PIGW: variants seen among roughly 807,000 people sequenced by gnomAD.
PIGW encodes glucosaminyl-phosphatidylinositol-acyltransferase PIGW.
Under a neutral mutation model 34.0 loss-of-function variants are expected in PIGW, and 23 were observed. The observed-to-expected ratio is 0.68, with a 90% confidence interval of 0.49 to 0.96. The LOEUF (loss-of-function observed/expected upper bound fraction) is 0.96. Ranked by LOEUF, PIGW falls within the 40% of genes least tolerant of loss-of-function variation. The pLI is 0.00. For missense variants in PIGW, 574 were observed against 586.3 expected (o/e 0.98, Z 0.22); for synonymous variants, 225 against 225.2 (o/e 1.00, Z 0.01).
chr17:36,537,341 C>T lies in PIGW; in HGVS notation c.240C>T (p.Leu80=). 1 of 1,613,902 alleles carries T rather than the reference C, an allele frequency of 6.2e-7. No homozygotes were observed. The highest frequency in any genetic ancestry group is 1.1e-5 in the South Asian group (1 of 91,064). Residue 80 remains leucine, a synonymous_variant, in exon 2 of 2, where the codon CTC becomes CTT. Coordinates refer to ENST00000614443, the MANE Select transcript of PIGW (RefSeq NM_001346754.2). ...ATLTIWASFI[L]LELLGVIIFG... is the part of the protein sequence containing the mutation. The stretch of plus-strand genomic sequence containing the variant: ...TGACCATTTGGGCTTCATTTATCCT[C>T]CTTGAGCTTCTCGGTGTAATTATCT...
chr17:36,537,043 C>T (rs2074149219), intron 1 of PIGW, 51 bp from the exon 2 acceptor site: 1 of 1,466,886 alleles, frequency 6.8e-7, no homozygotes, highest in Admixed American at 2.2e-5. Context: ...ATGCTAATTA[C>T]ACAAGAATGC....
At position 36,538,627 on chromosome 17, in the gene PIGW, TA is replaced by T. The variant is rs1249705379; in HGVS notation, c.*12del. 3.5e-5 allele frequency: 54 copies of T among 1,546,144 alleles called. No homozygotes were observed. The highest frequency in any genetic ancestry group is 4.3e-5 in the Non-Finnish European group (49 of 1,135,908). On this transcript the variant is annotated 3_prime_UTR_variant, in exon 2 of 2. Transcript: ENST00000614443. ...GTACAATTTTGGTGATCAGCAGGAG[TA>T]GGATATATAAGTATTTGGGCAATAT...
chr17:36,535,232 G>T lies in PIGW; in HGVS notation c.-369G>T, dbSNP rs58812000. On this transcript the variant is annotated 5_prime_UTR_variant, in exon 1 of 2. Transcript: ENST00000614443. ...CGAGTGCGGCGGAGTGTTGTGCGAG[G>T]CCGGCGGACACCATTACCCTGATAG... 0.92 allele frequency: 139,880 copies of T among 152,094 alleles called. 64,524 individuals carry two copies. The highest frequency in any genetic ancestry group is 0.99 in the East Asian group (5,111 of 5,152). 9.4% of individuals were successfully genotyped at this position (152,094 alleles called of 1,614,324 possible). A position where few individuals can be genotyped will look rare whatever the true frequency, so the allele number is the denominator to read the frequency against.
chr17:36,538,628 A>G lies in PIGW; in HGVS notation c.*12A>G, dbSNP rs1292440182. The G allele has an allele frequency of 9.1e-6, 14 of 1,532,374 alleles. No homozygotes were observed. The highest frequency in any genetic ancestry group is 1.2e-5 in the Non-Finnish European group (14 of 1,127,550). 94.9% of individuals were successfully genotyped at this position (1,532,374 alleles called of 1,614,324 possible). A position where few individuals can be genotyped will look rare whatever the true frequency, so the allele number is the denominator to read the frequency against. ...TACAATTTTGGTGATCAGCAGGAGT[A>G]GGATATATAAGTATTTGGGCAATAT... On this transcript the variant is annotated 3_prime_UTR_variant, in exon 2 of 2. Transcript: ENST00000614443.
chr17:36,534,994 G>C lies in PIGW; in HGVS notation c.-607G>C, dbSNP rs920514425. ...CCTAGGGGCGGGGCGAGCACTCGCG[G>C]CGCGGGGCGCGCACGTGGCTTGGCC... is the stretch of plus-strand genomic sequence containing the variant. On this transcript the variant is annotated 5_prime_UTR_variant, in exon 1 of 2. Transcript: ENST00000614443. The C allele has an allele frequency of 2.0e-5, 3 of 152,372 alleles. No individual in the cohort carries two copies. The highest frequency in any genetic ancestry group is 2.9e-5 in the Non-Finnish European group (2 of 68,158). 9.4% of individuals were successfully genotyped at this position (152,372 alleles called of 1,614,324 possible).
rs1186406268 is a variant in PIGW at position 36,535,028 on chromosome 17, T to TGG, written c.-572_-571dup. ...GCGCACGTGGCTTGGCCGGGACGCC[T>TGG]GGTCCGGCTTGCTGGCTTCAACTAC... On this transcript the variant is annotated 5_prime_UTR_variant, in exon 1 of 2. Transcript: ENST00000614443. 7 of 152,460 alleles carry TGG rather than the reference T, an allele frequency of 4.6e-5. No homozygotes were observed. The East Asian group carries it at 1.4e-3, about 29-fold the overall frequency. The allele number at this position is 152,460 out of a possible 1,614,324, so 9.4% of individuals were successfully genotyped here. A position where few individuals can be genotyped will look rare whatever the true frequency, so the allele number is the denominator to read the frequency against.
rs750044094 is a variant in PIGW, at chr17:36,537,811, ACTTTTT to A, written c.715_720del (p.Phe239_Phe240del). ...TTAACAGAGTATGGAGTTCACTGGAACTTTTTCTTTACCATAATAGTTGTGAAATTG... is the reference window on the plus strand; with the variant it reads ...TTAACAGAGTATGGAGTTCACTGGAACTTTACCATAATAGTTGTGAAATTG... On this transcript the variant is annotated inframe_deletion, in exon 2 of 2. Coordinates refer to ENST00000614443, the MANE Select transcript of PIGW (RefSeq NM_001346754.2). 3 of 1,614,120 alleles carry A rather than the reference ACTTTTT, an allele frequency of 1.9e-6. No homozygotes were observed. Among genetic ancestry groups the A allele is most frequent in the East Asian group, 2.2e-5 (1 of 44,882 alleles).
At position 36,539,084 on chromosome 17, in the gene PIGW, A is replaced by G. The variant is rs1208601758; in HGVS notation, c.*468A>G. 1 of 167,536 alleles carries G rather than the reference A, an allele frequency of 6.0e-6. No homozygotes were observed. Among genetic ancestry groups the G allele is most frequent in the African/African-American group, 2.4e-5 (1 of 41,462 alleles). 10.4% of individuals were successfully genotyped at this position (167,536 alleles called of 1,614,324 possible). On this transcript the variant is annotated 3_prime_UTR_variant, in exon 2 of 2. Transcript: ENST00000614443. ...CTTAATATTTTAATGTATCTCAACA[A>G]TAAAACCAAGAAGAAACAAAGCCTT...
At chr17:36,536,779 T>A (rs915884721) in intron 1 of PIGW, among the ~76,000 whole-genome samples, 1 of 152,212 alleles carries the variant, frequency 6.6e-6, no homozygotes, top group African/African-American at 2.4e-5. Flanking sequence ...CCTCCCGAAG[T>A]GCTAGGATTA....
Position 36,538,398 on chromosome 17 carries a change from A to C in PIGW, c.1297A>C (p.Arg433=), listed in dbSNP as rs1240970102. The C allele has an allele frequency of 2.5e-6, 4 of 1,614,176 alleles. No homozygotes were observed. The highest frequency in any genetic ancestry group is 2.5e-6 in the Non-Finnish European group (3 of 1,180,022). The change falls in exon 2 of 2, where the codon AGA becomes CGA. Residue 433 remains arginine (R), a synonymous_variant. Transcript: ENST00000614443. Reference sequence around the variant, plus strand: ...AGAATCTCTAGTCCCTGAAGCCGAAAGAATGGAACCCAGTCTTTGTTTAAT... The same window carrying C: ...AGAATCTCTAGTCCCTGAAGCCGAACGAATGGAACCCAGTCTTTGTTTAAT... ...HSESLVPEAE[R]MEPSLCLITA...
chr17:36,536,462 A>C (rs78954551), intron 1 of PIGW, among the ~76,000 whole-genome samples: 2 of 151,464 alleles, frequency 1.3e-5, no homozygotes, highest in East Asian at 3.9e-4. Flanking sequence ...CCATCTGCCT[A>C]TGATGCCATT....
At chr17:36,537,070 A>G (rs560726310) in intron 1 of PIGW, 24 bp from the exon 2 acceptor site, 2 of 1,536,316 alleles carry the variant, frequency 1.3e-6, no homozygotes, top group African/African-American at 1.4e-5. Context: ...TCACAAATCC[A>G]TTCCTTTGCT....
In PIGW at chr17:36,535,533, C is replaced by G. The variant is rs919527142; in HGVS notation, c.-68C>G. 1 of 152,230 alleles carries G rather than the reference C, an allele frequency of 6.6e-6. No individual in the cohort carries two copies. The highest frequency in any genetic ancestry group is 2.4e-5 in the African/African-American group (1 of 41,458). The allele number at this position is 152,230 out of a possible 1,614,324, so 9.4% of individuals were successfully genotyped here. On this transcript the variant is annotated 5_prime_UTR_variant, in exon 1 of 2. Transcript: ENST00000614443. ...TTCCCGCGTGGTTTGGCGGGTGCAG[C>G]GGCAGTCCGGCTGCCCTTCCCACGT...
Position 36,537,887 on chromosome 17 carries a change from G to A in PIGW, c.786G>A (p.Trp262Ter). The A allele has an allele frequency of 1.2e-6, 2 of 1,613,962 alleles. No individual in the cohort carries two copies. The highest frequency in any genetic ancestry group is 1.7e-5 in the Admixed American group (1 of 60,002). ...TTATTTTTCCCCTAAATAAGTCCTG[G>A]ATTATTGCCCTCGGCATTACTGTAT... ...LLIIFPLNKS[W>*]IIALGITVLY... The change falls in exon 2 of 2, where the codon TGG becomes TGA. Residue 262 changes from tryptophan to a stop codon, truncating the protein, a stop_gained. Coordinates refer to ENST00000614443, the MANE Select transcript of PIGW (RefSeq NM_001346754.2). LOFTEE classifies it high-confidence loss of function.
chr17:36,536,618 G>A (rs1278397437), intron 1 of PIGW, among the ~76,000 whole-genome samples: 1 of 142,614 alleles, frequency 7.0e-6, no homozygotes. Flanking sequence ...CGGTTCAACC[G>A]ATTCTCCTGC....
Position 36,535,440 on chromosome 17 carries a change from C to G in PIGW, c.-161C>G, listed in dbSNP as rs1402006007. 2 of 152,278 alleles carry G rather than the reference C, an allele frequency of 1.3e-5. No individual in the cohort carries two copies. The highest frequency in any genetic ancestry group is 2.4e-5 in the African/African-American group (1 of 41,466). 9.4% of individuals were successfully genotyped at this position (152,278 alleles called of 1,614,324 possible). A position where few individuals can be genotyped will look rare whatever the true frequency, so the allele number is the denominator to read the frequency against. On this transcript the variant is annotated 5_prime_UTR_variant, in exon 1 of 2. In the 5' UTR this introduces an upstream ATG that the reference lacks. Coordinates refer to ENST00000614443, the MANE Select transcript of PIGW (RefSeq NM_001346754.2). ...CATGATGGGCGGAGACGCGCGGAAT[C>G]GGCCGGCCCGGAAGTGCCAGCTGCC...
In PIGW at chr17:36,537,902, C is replaced by T. The variant is rs752485582; in HGVS notation, c.801C>T (p.Gly267=). 5.0e-6 allele frequency: 8 copies of T among 1,614,034 alleles called. No homozygotes were observed. The highest frequency in any genetic ancestry group is 4.5e-5 in the East Asian group (2 of 44,876). Residue 267 remains glycine (G), a synonymous_variant, in exon 2 of 2, where the codon GGC becomes GGT. Coordinates refer to ENST00000614443, the MANE Select transcript of PIGW (RefSeq NM_001346754.2). ...PLNKSWIIAL[G]ITVLYQLALD... ...ATAAGTCCTGGATTATTGCCCTCGGCATTACTGTATTATACCAGCTAGCCC... is the reference window on the plus strand; with the variant it reads ...ATAAGTCCTGGATTATTGCCCTCGGTATTACTGTATTATACCAGCTAGCCC...
In PIGW at chr17:36,537,556, T is replaced by G. The variant is rs1237233025; in HGVS notation, c.455T>G (p.Phe152Cys). The change falls in exon 2 of 2, where the codon TTT (phenylalanine) becomes TGT (cysteine). Residue 152 changes from phenylalanine (F) to cysteine (C), a missense_variant. Transcript: ENST00000614443. The stretch of plus-strand genomic sequence containing the variant: ...ATTTTGGCTGTGGACTTCCCACTTT[T>G]TCCCAGAAGATTTGCCAAAACTGAG... ...IAILAVDFPL[F>C]PRRFAKTELY... 6 of 1,614,234 alleles carry G rather than the reference T, an allele frequency of 3.7e-6. No homozygotes were observed. In the South Asian group the frequency reaches 6.6e-5, roughly 18 times the overall value.
chr17:36,538,502 T>TA lies in PIGW; in HGVS notation c.1402dup (p.Thr468AsnfsTer32). On this transcript the variant is annotated frameshift_variant, in exon 2 of 2. Coordinates refer to ENST00000614443, the MANE Select transcript of PIGW (RefSeq NM_001346754.2). LOFTEE classifies it high-confidence loss of function. ...CTGGCCTGATCAACCTGATGGTAGA[T>TA]ACATTACACAGCAGTACCTTGTGGG... The TA allele has an allele frequency of 6.2e-7, 1 of 1,614,082 alleles. No individual in the cohort carries two copies. The highest frequency in any genetic ancestry group is 8.5e-7 in the Non-Finnish European group (1 of 1,179,928).
Sources: allele counts gnomAD v4.1 joint callset (sites outside exome capture counted in the v4.1 genomes callset), GRCh38; gene constraint gnomAD v4.1.1; transcripts MANE v1.5; gene names NCBI Gene and HGNC (gene_info 2026-07-23, HGNC 2026-07-21).